The following RAB2A variants were observed in gnomAD, a reference collection of about 807,000 sequenced individuals.
RAB2A encodes the protein ras-related protein Rab-2A.
In RAB2A, 7 loss-of-function variants were observed where a neutral mutation model predicts 32.5. The observed-to-expected ratio is 0.22, with a 90% CI of 0.12 to 0.40. The LOEUF (loss-of-function observed/expected upper bound fraction) is 0.40, where lower values mean the gene tolerates loss of function less well. Among genes scored for constraint, RAB2A ranks in the 10% least tolerant of loss-of-function variants. The probability of loss-of-function intolerance (pLI) is 1.00; values close to 1 mark genes in which losing one functional copy is unlikely to be tolerated. For synonymous variants in RAB2A, 79 were observed against 85.2 expected (o/e 0.93, Z 0.40); for missense variants, 108 against 260.7 (o/e 0.41, Z 4.03).
rs1196230232 is a variant in RAB2A, at chr8:60,546,599, T to C, written c.47-12253T>C. ...AAGTGATCCATGTTGGATTTTTGTC[T>C]TTGTTTGTTTAATTAAATAATAATA... On this transcript the variant is annotated intron_variant, in intron 1 of 7. Transcript: ENST00000262646. Among the ~76,000 whole-genome samples, 9 of 151,916 alleles carry C rather than the reference T, an allele frequency of 5.9e-5. No individual in the cohort carries two copies. In the East Asian group the frequency reaches 1.5e-3, roughly 26 times the overall value.
intron 3 of RAB2A, among the ~76,000 whole-genome samples, chr8:60,582,831 C>T (rs1026104893): frequency 3.3e-5 from 5 of 152,192 alleles, no homozygotes; most frequent in African/African-American, 1.2e-4. Flanking sequence ...ACAAGCTTAG[C>T]ATTCCAATAA....
At chr8:60,551,656 G>A (rs1807849048) in intron 1 of RAB2A, among the ~76,000 whole-genome samples, 1 of 152,120 alleles carries the variant, frequency 6.6e-6, no homozygotes, top group South Asian at 2.1e-4. Flanking sequence ...GTGACATTCA[G>A]TAGAAACTGT....
intron 3 of RAB2A, among the ~76,000 whole-genome samples, chr8:60,577,326 G>T (rs913452886): frequency 6.6e-6 from 1 of 152,068 alleles, no homozygotes; most frequent in Non-Finnish European, 1.5e-5. Flanking sequence ...TGGGATTACA[G>T]CGTGAGCCAC....
intron 6 of RAB2A, among the ~76,000 whole-genome samples, chr8:60,598,289 C>G (rs1213249609): frequency 6.6e-6 from 1 of 152,092 alleles, no homozygotes; most frequent in African/African-American, 2.4e-5. Context: ...CCTCTAGGTC[C>G]AAATGGTTTC....
intron 6 of RAB2A, among the ~76,000 whole-genome samples, chr8:60,610,523 G>A (rs1804324927): frequency 6.6e-6 from 1 of 152,134 alleles, no homozygotes; most frequent in South Asian, 2.1e-4. Context: ...TAAGCCCATG[G>A]ATGCATACCA....
At chr8:60,547,420 C>A (rs1807750581) in intron 1 of RAB2A, among the ~76,000 whole-genome samples, 1 of 152,208 alleles carries the variant, frequency 6.6e-6, no homozygotes, top group Admixed American at 6.5e-5. Context: ...GCTATACCTC[C>A]CAGACGGGGT....
intron 1 of RAB2A, among the ~76,000 whole-genome samples, chr8:60,518,956 T>C (rs1299810598): frequency 1.3e-5 from 2 of 152,210 alleles, no homozygotes. Flanking sequence ...TTCAGTTTTT[T>C]ATTTGAGGCT....
chr8:60,531,779 G>A (rs898753347), intron 1 of RAB2A, among the ~76,000 whole-genome samples: 2 of 148,344 alleles, frequency 1.3e-5, no homozygotes, highest in Non-Finnish European at 3.0e-5. Flanking sequence ...GGGAAGGCCA[G>A]TAGTCATCTT....
At chr8:60,591,790 A>G (rs1397047777) in intron 5 of RAB2A, 68 bp from the exon 6 acceptor site, 2 of 999,306 alleles carry the variant, frequency 2.0e-6, no homozygotes, top group Admixed American at 2.1e-5. Context: ...TCCATGGTAC[A>G]CTTTCCACAA....
intron 6 of RAB2A, among the ~76,000 whole-genome samples, chr8:60,609,433 G>A (rs1053089204): frequency 6.6e-6 from 1 of 152,112 alleles, no homozygotes; most frequent in Non-Finnish European, 1.5e-5. Flanking sequence ...GCACTTGTTT[G>A]TCATGTCGGC....
chr8:60,564,459 C>G (rs886605479), intron 2 of RAB2A, among the ~76,000 whole-genome samples: 1 of 152,136 alleles, frequency 6.6e-6, no homozygotes, highest in African/African-American at 2.4e-5. Flanking sequence ...CTCATATTAG[C>G]AAAATTCCAC....
intron 3 of RAB2A, among the ~76,000 whole-genome samples, chr8:60,581,845 AAAAAAAT>A (rs1236114314): frequency 3.1e-4 from 47 of 152,208 alleles, no homozygotes; most frequent in East Asian, 1.9e-3. Flanking sequence ...TGGTCTCTAT[AAAAAAAT>A]AAAAAATAAT....
chr8:60,590,033 C>T (rs1377120495), intron 5 of RAB2A, among the ~76,000 whole-genome samples: 1 of 151,950 alleles, frequency 6.6e-6, no homozygotes, highest in Non-Finnish European at 1.5e-5. Flanking sequence ...GCGATCTCTG[C>T]TCACTGCAAC....
intron 2 of RAB2A, among the ~76,000 whole-genome samples, chr8:60,560,961 A>G (rs1270285633): frequency 3.9e-5 from 6 of 152,172 alleles, no homozygotes; most frequent in Non-Finnish European, 8.8e-5. Context: ...TATGTTTGCT[A>G]ATGGCAGGCA....
chr8:60,524,514 C>G (rs1807349212), intron 1 of RAB2A, among the ~76,000 whole-genome samples: 1 of 152,172 alleles, frequency 6.6e-6, no homozygotes, highest in South Asian at 2.1e-4. Flanking sequence ...ATTTCATTAG[C>G]CTTGATTATT....
chr8:60,523,668 G>A (rs1426718511), intron 1 of RAB2A, among the ~76,000 whole-genome samples: 1 of 150,924 alleles, frequency 6.6e-6, no homozygotes, highest in African/African-American at 2.4e-5. Context: ...TTACAATTTA[G>A]ATGATATACT....
rs762369257 is a variant in RAB2A at position 60,584,197 on chromosome 8, T to C, written c.187-11T>C. The stretch of plus-strand genomic sequence containing the variant: ...TTAAAGGAAACTCTCCAACCTTTTT[T>C]TTCGTTACAGGCAGGGCAAGAATCC... On this transcript the variant is annotated splice_polypyrimidine_tract_variant and intron_variant, in intron 3 of 7. Transcript: ENST00000262646. 1.3e-6 allele frequency: 2 copies of C among 1,582,682 alleles called. No homozygotes were observed. Among genetic ancestry groups the C allele is most frequent in the Non-Finnish European group, 1.7e-6 (2 of 1,151,426 alleles).
intron 1 of RAB2A, among the ~76,000 whole-genome samples, chr8:60,526,055 A>ATATATG (rs1554550797): frequency 1.0e-5 from 1 of 100,074 alleles, no homozygotes; most frequent in African/African-American, 3.7e-5. Context: ...ATATATATAT[A>ATATATG]TAAGTTTTCT....
chr8:60,521,344 G>C (rs569767348), intron 1 of RAB2A, among the ~76,000 whole-genome samples: 1 of 152,316 alleles, frequency 6.6e-6, no homozygotes, highest in East Asian at 1.9e-4. Flanking sequence ...GCTCAGGAGA[G>C]AGTAATCTGG....
Sources: allele counts gnomAD v4.1 joint callset (sites outside exome capture counted in the v4.1 genomes callset), GRCh38; gene constraint gnomAD v4.1.1; transcripts MANE v1.5; gene names NCBI Gene and HGNC (gene_info 2026-07-23, HGNC 2026-07-21).